Variants in CREB5 observed in about 807,000 individuals in gnomAD.
CREB5 encodes cyclic AMP-responsive element-binding protein 5.
In CREB5, 19 loss-of-function variants were observed where a neutral mutation model predicts 57.1. That is an observed-to-expected ratio of 0.33 (90% CI 0.23 to 0.49). CREB5 has a LOEUF of 0.49. CREB5 is among the 20% of genes least tolerant of loss of function. CREB5 has a pLI of 0.99. For synonymous variants in CREB5, 238 were observed against 238.3 expected (o/e 1.00, Z 0.01); for missense variants, 579 against 671.6 (o/e 0.86, Z 1.52).
At chr7:28,694,563 A>T (rs1017123162) in intron 5 of CREB5, among the ~76,000 whole-genome samples, 6 of 151,982 alleles carry the variant, frequency 3.9e-5, no homozygotes, top group Admixed American at 1.3e-4. Context: ...TTTTTTTAAA[A>T]TTTTTCTTTA....
intron 5 of CREB5, among the ~76,000 whole-genome samples, chr7:28,635,060 C>T (rs1390971384): frequency 1.3e-5 from 2 of 152,124 alleles, no homozygotes; most frequent in African/African-American, 4.8e-5. Context: ...GCTGTTTATT[C>T]CAGGGACTTT....
intron 5 of CREB5, among the ~76,000 whole-genome samples, chr7:28,619,887 T>A (rs1026555542): frequency 5.9e-5 from 9 of 152,218 alleles, no homozygotes; most frequent in Admixed American, 2.0e-4. Flanking sequence ...TTGTATTTTC[T>A]GAGCCTCGGG....
rs1562797731 is a variant in CREB5 at position 28,560,909 on chromosome 7, C to CGTGCGTGTGT, written c.292-9453_292-9452insCGTGTGTGTG. Among the ~76,000 whole-genome samples, 8 of 32,690 alleles carry CGTGCGTGTGT rather than the reference C, an allele frequency of 2.4e-4. 1 individual carries two copies. Among genetic ancestry groups the CGTGCGTGTGT allele is most frequent in the East Asian group, 2.1e-3 (3 of 1,452 alleles). The allele number at this position is 32,690 out of a possible 152,430, so 21.4% of individuals were successfully genotyped here. ...GTGCGTGTGTGTGCGTGCGCGCGTGCGTGTGCGTGTGTGCGCGTGCGTGTG... is the reference window on the plus strand; with the variant it reads ...GTGCGTGTGTGTGCGTGCGCGCGTGCGTGCGTGTGTGTGTGCGTGTGTGCGCGTGCGTGTG... On this transcript the variant is annotated intron_variant, in intron 4 of 10. Transcript: ENST00000357727.
chr7:28,693,591 G>A (rs570287303), intron 5 of CREB5, among the ~76,000 whole-genome samples: 2 of 152,170 alleles, frequency 1.3e-5, no homozygotes, highest in South Asian at 2.1e-4. Context: ...CTAATTACTC[G>A]TAATCAATAT....
chr7:28,516,692 A>G (rs1262528693), intron 4 of CREB5, among the ~76,000 whole-genome samples: 1 of 152,220 alleles, frequency 6.6e-6, no homozygotes, highest in African/African-American at 2.4e-5. Flanking sequence ...GGGAAAAGGT[A>G]GCTTTTCCCA....
chr7:28,484,013 C>A (rs1350316697), intron 1 of CREB5, among the ~76,000 whole-genome samples: 2 of 152,178 alleles, frequency 1.3e-5, no homozygotes, highest in African/African-American at 4.8e-5. Context: ...GATTCAGGAT[C>A]ATTATCCATT....
chr7:28,659,693 AAT>A (rs1336705529), intron 5 of CREB5, among the ~76,000 whole-genome samples: 1 of 152,222 alleles, frequency 6.6e-6, no homozygotes, highest in East Asian at 1.9e-4. Flanking sequence ...ATTAAATTTC[AAT>A]ATGATTTTGA....
At chr7:28,812,827 A>T (rs1809204293) in intron 9 of CREB5, among the ~76,000 whole-genome samples, 1 of 152,174 alleles carries the variant, frequency 6.6e-6, no homozygotes, top group South Asian at 2.1e-4. Flanking sequence ...AGTGAGCCAA[A>T]TTTTAAGTAA....
chr7:28,414,306 A>T (rs1356966034), intron 1 of CREB5, among the ~76,000 whole-genome samples: 1 of 150,216 alleles, frequency 6.7e-6, no homozygotes, highest in Admixed American at 6.6e-5. Context: ...TTTTAGAGGC[A>T]GCTTTCTTGG....
chr7:28,303,073 C>A (rs1785124762), intron 1 of CREB5, among the ~76,000 whole-genome samples: 1 of 146,058 alleles, frequency 6.8e-6, no homozygotes, highest in African/African-American at 2.5e-5. Flanking sequence ...ACCTGGGAGG[C>A]AGAGGTTGCG....
chr7:28,773,924 T>C (rs537511772), intron 7 of CREB5, among the ~76,000 whole-genome samples: 1 of 152,302 alleles, frequency 6.6e-6, no homozygotes, highest in South Asian at 2.1e-4. Flanking sequence ...CTTTACAATG[T>C]CGAGGTGGAT....
chr7:28,638,932 T>C (rs1798537247), intron 5 of CREB5, among the ~76,000 whole-genome samples: 1 of 152,196 alleles, frequency 6.6e-6, no homozygotes, highest in Non-Finnish European at 1.5e-5. Flanking sequence ...TATATTCATT[T>C]CTTACCCTGC....
chr7:28,597,711 C>A (rs2128667914), intron 5 of CREB5, among the ~76,000 whole-genome samples: 1 of 152,220 alleles, frequency 6.6e-6, no homozygotes, highest in Non-Finnish European at 1.5e-5. Flanking sequence ...CCCCAGTCTC[C>A]TGACTTTGGG....
chr7:28,304,274 A>G (rs941479507), intron 1 of CREB5, among the ~76,000 whole-genome samples: 1 of 152,252 alleles, frequency 6.6e-6, no homozygotes, highest in Admixed American at 6.5e-5. Context: ...ATTTATAAGA[A>G]AAGAAAATGA....
chr7:28,510,889 A>C (rs1201651114), intron 4 of CREB5, among the ~76,000 whole-genome samples: 1 of 152,232 alleles, frequency 6.6e-6, no homozygotes, highest in Non-Finnish European at 1.5e-5. Flanking sequence ...ATCAGGTATC[A>C]TAAATGTCAA....
chr7:28,354,657 T>A (rs560058618), intron 1 of CREB5, among the ~76,000 whole-genome samples: 2 of 152,302 alleles, frequency 1.3e-5, no homozygotes, highest in South Asian at 4.1e-4. Flanking sequence ...GCCAGGGCCC[T>A]CCCTGTGCCA....
intron 5 of CREB5, among the ~76,000 whole-genome samples, chr7:28,626,354 T>C (rs1797997024): frequency 2.0e-5 from 3 of 152,210 alleles, no homozygotes; most frequent in South Asian, 4.1e-4. Context: ...CTAATACTCA[T>C]TGACTGCTGG....
intron 1 of CREB5, among the ~76,000 whole-genome samples, chr7:28,403,818 G>C (rs2128000131): frequency 6.6e-6 from 1 of 152,166 alleles, no homozygotes; most frequent in East Asian, 1.9e-4. Flanking sequence ...TAAATAGAAA[G>C]TTTTTTCTCT....
chr7:28,560,909 C>CGTGTGTGTGTGT lies in CREB5; in HGVS notation c.292-9451_292-9450insTGTGTGTGTGTG. Among the ~76,000 whole-genome samples, 206 of 32,644 alleles carry CGTGTGTGTGTGT rather than the reference C, an allele frequency of 6.3e-3. 9 individuals are homozygous for CGTGTGTGTGTGT. Among genetic ancestry groups the CGTGTGTGTGTGT allele is most frequent in the South Asian group, 0.016 (13 of 790 alleles). 21.4% of individuals were successfully genotyped at this position (32,644 alleles called of 152,430 possible). On this transcript the variant is annotated intron_variant, in intron 4 of 10. Coordinates refer to ENST00000357727, the MANE Select transcript of CREB5 (RefSeq NM_182898.4). ...GTGCGTGTGTGTGCGTGCGCGCGTGCGTGTGCGTGTGTGCGCGTGCGTGTG... is the reference window on the plus strand; with the variant it reads ...GTGCGTGTGTGTGCGTGCGCGCGTGCGTGTGTGTGTGTGTGTGCGTGTGTGCGCGTGCGTGTG...
Sources: gnomAD v4.1 joint callset for allele counts (sites outside exome capture counted in the v4.1 genomes callset) on GRCh38, gnomAD v4.1.1 for gene constraint, MANE v1.5 for transcripts, NCBI Gene and HGNC (gene_info 2026-07-23, HGNC 2026-07-21) for gene names.